The following GKAP1 variants were observed in gnomAD, a reference collection of about 807,000 sequenced individuals.
GKAP1 encodes the protein G kinase-anchoring protein 1.
Under a neutral mutation model 56.7 loss-of-function variants are expected in GKAP1, and 31 were observed. The ratio of observed to expected loss-of-function variants is 0.55; its 90% CI spans 0.41 to 0.74. The LOEUF (loss-of-function observed/expected upper bound fraction) is 0.74. Among genes scored for constraint, GKAP1 ranks in the 30% least tolerant of loss-of-function variants. The probability of loss-of-function intolerance (pLI) is 0.00; values close to 1 mark genes in which losing one functional copy is unlikely to be tolerated. For synonymous variants in GKAP1, 151 were observed against 138.6 expected, an observed-to-expected ratio of 1.09 and a Z score of -0.63; for missense variants, 364 against 402.3, an observed-to-expected ratio of 0.90 and a Z score of 0.82.
intron 3 of GKAP1, among the ~76,000 whole-genome samples, chr9:83,805,280 A>G (rs1011075174): frequency 6.6e-6 from 1 of 152,094 alleles, no homozygotes; most frequent in Non-Finnish European, 1.5e-5. Context: ...ATGCTCGTTA[A>G]GAATCATCAC....
Position 83,788,761 on chromosome 9 carries a change from AG to A in GKAP1, c.361-84del, listed in dbSNP as rs1944107085. The A allele has an allele frequency of 1.7e-5, 12 of 714,874 alleles. No individual in the cohort carries two copies. The East Asian group carries it at 3.3e-4, about 20-fold the overall frequency. The allele number at this position is 714,874 out of a possible 1,614,324, so 44.3% of individuals were successfully genotyped here. On this transcript the variant is annotated intron_variant, in intron 4 of 12. Coordinates refer to ENST00000376371, the MANE Select transcript of GKAP1 (RefSeq NM_025211.4). ...TAACCATACATATTACTATATACAG[AG>A]GAAAAGAAAGCAAATATGTTAAAAA...
intron 2 of GKAP1, among the ~76,000 whole-genome samples, chr9:83,808,380 G>C (rs1477825151): frequency 6.6e-6 from 1 of 152,128 alleles, no homozygotes; most frequent in Non-Finnish European, 1.5e-5. Context: ...CAGGTCACTG[G>C]AGGCCAGGAG....
chr9:83,811,149 C>T (rs902177560), intron 2 of GKAP1, among the ~76,000 whole-genome samples: 11 of 152,184 alleles, frequency 7.2e-5, no homozygotes, highest in African/African-American at 2.4e-4. Context: ...TGCCATGAGG[C>T]GCTATGAGGC....
intron 4 of GKAP1, among the ~76,000 whole-genome samples, chr9:83,798,211 C>G (rs1018082036): frequency 6.6e-6 from 1 of 152,224 alleles, no homozygotes; most frequent in Non-Finnish European, 1.5e-5. Flanking sequence ...CTAGACCTAA[C>G]ATCTGCTAGA....
chr9:83,769,828 A>T (rs1233604456), intron 7 of GKAP1, among the ~76,000 whole-genome samples: 1 of 152,236 alleles, frequency 6.6e-6, no homozygotes, highest in Non-Finnish European at 1.5e-5. Flanking sequence ...CAATCCCATC[A>T]GCAGTCAAGT....
chr9:83,761,522 C>T lies in GKAP1; in HGVS notation c.738+7296G>A, dbSNP rs187974503. On this transcript the variant is annotated intron_variant, in intron 8 of 12. Coordinates refer to ENST00000376371, the MANE Select transcript of GKAP1 (RefSeq NM_025211.4). ...TAATACCAATCCTACTCAAACTATT[C>T]TGACAAAAGAGGAGGAGGGAATATT... is the stretch of plus-strand genomic sequence containing the variant. Among the ~76,000 whole-genome samples, 32 of 152,224 alleles carry T rather than the reference C, an allele frequency of 2.1e-4. No homozygotes were observed. The Middle Eastern group carries it at 0.014, about 65-fold the overall frequency.
At chr9:83,777,868 C>T (rs988268606) in intron 7 of GKAP1, among the ~76,000 whole-genome samples, 2 of 151,874 alleles carry the variant, frequency 1.3e-5, no homozygotes, top group South Asian at 2.1e-4. Context: ...TTTGGATTCT[C>T]TGTGGAAAAA....
intron 3 of GKAP1, among the ~76,000 whole-genome samples, chr9:83,804,684 C>A (rs972747865): frequency 2.0e-5 from 3 of 149,080 alleles, no homozygotes; most frequent in Non-Finnish European, 1.5e-5. Flanking sequence ...GGGGGTCCAG[C>A]CCCCCGCCCG....
chr9:83,752,900 GTC>G (rs1943415499), intron 9 of GKAP1, among the ~76,000 whole-genome samples: 1 of 151,884 alleles, frequency 6.6e-6, no homozygotes, highest in Non-Finnish European at 1.5e-5. Flanking sequence ...GTGAAACTCT[GTC>G]TCTACTAAAA....
At chr9:83,763,290 C>T (rs1053502816) in intron 8 of GKAP1, among the ~76,000 whole-genome samples, 6 of 152,016 alleles carry the variant, frequency 3.9e-5, no homozygotes, top group African/African-American at 4.8e-5. Flanking sequence ...GGCTGGGAAA[C>T]GCAGTGAGGG....
rs368101941 is a variant in GKAP1 at position 83,776,106 on chromosome 9, T to C, written c.585+4276A>G. Among the ~76,000 whole-genome samples the C allele has an allele frequency of 3.9e-5, 6 of 152,186 alleles. No individual in the cohort carries two copies. In the East Asian group the frequency reaches 1.2e-3, roughly 29 times the overall value. Reference sequence around the variant, plus strand: ...CTAAATGCCTGGATCCAGTCAACTATGAGGTCAACTCTCCCCCTATTCTTC... The same window carrying C: ...CTAAATGCCTGGATCCAGTCAACTACGAGGTCAACTCTCCCCCTATTCTTC... On this transcript the variant is annotated intron_variant, in intron 7 of 12. Transcript: ENST00000376371.
intron 8 of GKAP1, among the ~76,000 whole-genome samples, chr9:83,763,408 T>A (rs1943608199): frequency 1.3e-5 from 2 of 152,188 alleles, no homozygotes; most frequent in Admixed American, 1.3e-4. Context: ...ATAATTTAAT[T>A]GTACATTTAA....
intron 4 of GKAP1, among the ~76,000 whole-genome samples, chr9:83,790,619 C>CA (rs1030937623): frequency 1.3e-5 from 2 of 148,574 alleles, no homozygotes; most frequent in African/African-American, 4.9e-5. Context: ...ACTAAAAATA[C>CA]AAAAAACAAA....
chr9:83,766,966 TG>T (rs1174539419), intron 8 of GKAP1, among the ~76,000 whole-genome samples: 3 of 152,196 alleles, frequency 2.0e-5, no homozygotes, highest in Admixed American at 6.5e-5. Flanking sequence ...AAAGTGTTCA[TG>T]GGGACATTAG....
chr9:83,805,029 G>C (rs971005042), intron 3 of GKAP1, among the ~76,000 whole-genome samples: 1 of 152,242 alleles, frequency 6.6e-6, no homozygotes, highest in Non-Finnish European at 1.5e-5. Flanking sequence ...AATAGAAGGG[G>C]GGGAAAGGTG....
At chr9:83,774,025 A>C (rs947714252) in intron 7 of GKAP1, among the ~76,000 whole-genome samples, 4 of 151,962 alleles carry the variant, frequency 2.6e-5, no homozygotes, top group African/African-American at 4.8e-5. Flanking sequence ...ACGTGCCATC[A>C]CACCCGGCTA....
At chr9:83,779,448 T>C (rs146069993) in intron 7 of GKAP1, among the ~76,000 whole-genome samples, 59,166 of 118,826 alleles carry the variant, frequency 0.5, 16,357 homozygotes, top group Admixed American at 0.65. Context: ...TATATATATA[T>C]ACACACACAC....
chr9:83,749,642 T>C (rs2131235346), intron 9 of GKAP1, among the ~76,000 whole-genome samples: 2 of 152,340 alleles, frequency 1.3e-5, no homozygotes, highest in African/African-American at 4.8e-5. Context: ...AATCATTTTT[T>C]TCCTCTCAAC....
At chr9:83,801,939 AAAAT>A (rs1171798221) in intron 3 of GKAP1, among the ~76,000 whole-genome samples, 2 of 152,242 alleles carry the variant, frequency 1.3e-5, no homozygotes, top group Non-Finnish European at 2.9e-5. Flanking sequence ...TGTAATAGAA[AAAAT>A]AAACTGAAAA....
Sources: allele counts gnomAD v4.1 joint callset (sites outside exome capture counted in the v4.1 genomes callset), GRCh38; gene constraint gnomAD v4.1.1; transcripts MANE v1.5; gene names NCBI Gene and HGNC (gene_info 2026-07-23, HGNC 2026-07-21).